The following SESN1 variants were observed in gnomAD, a reference collection of about 807,000 sequenced individuals.
SESN1 encodes sestrin-1.
Under a neutral mutation model 59.3 loss-of-function variants are expected in SESN1, and 30 were observed. The observed-to-expected ratio is 0.51, with a 90% CI of 0.38 to 0.69. The LOEUF is 0.69. Among genes scored for constraint, SESN1 ranks in the 30% least tolerant of loss-of-function variants. The probability of loss-of-function intolerance (pLI) is 0.00; values close to 1 mark genes in which losing one functional copy is unlikely to be tolerated. For missense variants in SESN1, 566 were observed against 673.0 expected (o/e 0.84, Z 1.76); for synonymous variants, 197 against 219.9 (o/e 0.90, Z 0.92).
rs1201909295 is a variant in SESN1, at chr6:109,094,768, A to C, written c.-695T>G. ...GAAGACGCTACTTCTCCGATCCCTG[A>C]GCCCTCGCCCACCACCGCCGAGCCA... On this transcript the variant is annotated 5_prime_UTR_variant, in exon 1 of 10. Transcript: ENST00000436639. The C allele has an allele frequency of 1.3e-5, 2 of 152,106 alleles. No individual in the cohort carries two copies. Among genetic ancestry groups the C allele is most frequent in the African/African-American group, 4.8e-5 (2 of 41,406 alleles). The allele number at this position is 152,106 out of a possible 1,614,324, so 9.4% of individuals were successfully genotyped here.
At chr6:109,040,114 G>A (rs1043863444) in intron 1 of SESN1, among the ~76,000 whole-genome samples, 4 of 152,178 alleles carry the variant, frequency 2.6e-5, no homozygotes, top group African/African-American at 9.7e-5. Context: ...AAAAACTTCA[G>A]TCATGAGATA....
intron 1 of SESN1, among the ~76,000 whole-genome samples, chr6:109,050,988 A>G (rs1358112444): frequency 2.6e-5 from 4 of 152,208 alleles, no homozygotes; most frequent in African/African-American, 7.2e-5. Flanking sequence ...AAGTTGTTCA[A>G]TTAGCATGAC....
intron 1 of SESN1, among the ~76,000 whole-genome samples, chr6:109,063,703 C>T (rs1780768335): frequency 1.3e-5 from 2 of 152,112 alleles, no homozygotes. Flanking sequence ...GATTCAGATA[C>T]GTCTTGTGCT....
intron 1 of SESN1, among the ~76,000 whole-genome samples, chr6:109,063,825 T>G (rs1296300899): frequency 6.6e-6 from 1 of 151,482 alleles, no homozygotes; most frequent in Non-Finnish European, 1.5e-5. Context: ...TTAACACATT[T>G]CAAAAGAAGA....
intron 1 of SESN1, among the ~76,000 whole-genome samples, chr6:109,075,804 A>C (rs191847017): frequency 4.5e-4 from 68 of 152,286 alleles, no homozygotes; most frequent in Middle Eastern, 3.4e-3. Flanking sequence ...CCAAATTTGT[A>C]ATGAGGCTAT....
At chr6:109,004,555 C>T (rs900689203) in intron 1 of SESN1, among the ~76,000 whole-genome samples, 2 of 151,744 alleles carry the variant, frequency 1.3e-5, no homozygotes, top group African/African-American at 2.4e-5. Context: ...TCCTGTCTCC[C>T]GAGTAGCTAG....
chr6:108,996,516 A>AAT (rs1204279064), intron 5 of SESN1, among the ~76,000 whole-genome samples: 1 of 152,132 alleles, frequency 6.6e-6, no homozygotes, highest in Non-Finnish European at 1.5e-5. Flanking sequence ...TCTCCTCTTA[A>AAT]AGAGCCCAAA....
intron 1 of SESN1, among the ~76,000 whole-genome samples, chr6:109,086,032 G>C (rs1384125361): frequency 6.6e-6 from 1 of 152,098 alleles, no homozygotes; most frequent in Non-Finnish European, 1.5e-5. Context: ...ACCCAAAGTA[G>C]TGCCCATTTT....
At chr6:109,070,807 G>A (rs189570930) in intron 1 of SESN1, among the ~76,000 whole-genome samples, 1 of 152,256 alleles carries the variant, frequency 6.6e-6, no homozygotes, top group Admixed American at 6.5e-5. Flanking sequence ...AACCATTTGG[G>A]GATTCAAGTC....
At chr6:109,066,557 C>A (rs982986318) in intron 1 of SESN1, among the ~76,000 whole-genome samples, 3 of 152,052 alleles carry the variant, frequency 2.0e-5, no homozygotes, top group Non-Finnish European at 4.4e-5. Context: ...GCACTGAGAT[C>A]ATGTGATGGC....
intron 1 of SESN1, among the ~76,000 whole-genome samples, chr6:109,005,180 T>C (rs899285239): frequency 2.0e-5 from 3 of 152,230 alleles, no homozygotes; most frequent in East Asian, 1.9e-4. Flanking sequence ...CAGTGTTCAA[T>C]AGAAGGCTGT....
intron 1 of SESN1, among the ~76,000 whole-genome samples, chr6:109,046,817 G>A (rs1410971387): frequency 7.4e-6 from 1 of 134,724 alleles, no homozygotes; most frequent in African/African-American, 2.7e-5. Flanking sequence ...CGGCCGCCCT[G>A]TCTGAGAAGT....
At chr6:109,039,784 C>T (rs1020997357) in intron 1 of SESN1, among the ~76,000 whole-genome samples, 15 of 152,160 alleles carry the variant, frequency 9.9e-5, no homozygotes, top group African/African-American at 3.6e-4. Flanking sequence ...TTTTTAAGAA[C>T]CTTGTTGATC....
At position 109,001,315 on chromosome 6, in the gene SESN1, T is replaced by C. The variant is rs1297981661; in HGVS notation, c.519A>G (p.Leu173=). 1.2e-6 allele frequency: 2 copies of C among 1,613,770 alleles called. No homozygotes were observed. Among genetic ancestry groups the C allele is most frequent in the South Asian group, 2.2e-5 (2 of 91,070 alleles). Residue 173 remains leucine, a synonymous_variant, in exon 3 of 10, where the codon CTA becomes CTG. Transcript: ENST00000436639. ...YLLQMDGPLP[L]HYRHYIGIMA... ...TTATTCCAATGTAGTGACGATAATG[T>C]AGGGGTAACGGCCCATCCATTTGCA...
chr6:108,999,905 G>A (rs1251298029), intron 4 of SESN1: 7 of 152,080 alleles, frequency 4.6e-5, no homozygotes, highest in Non-Finnish European at 1.0e-4. Context: ...ATAGGTGAAT[G>A]GATAAACAAA....
intron 1 of SESN1, among the ~76,000 whole-genome samples, chr6:109,035,173 A>G (rs1780232117): frequency 6.6e-6 from 1 of 151,900 alleles, no homozygotes; most frequent in African/African-American, 2.4e-5. Context: ...TCTAGGGTCC[A>G]TTTTGCTTTT....
At chr6:109,056,396 T>A (rs937521784) in intron 1 of SESN1, among the ~76,000 whole-genome samples, 8 of 152,016 alleles carry the variant, frequency 5.3e-5, no homozygotes, top group African/African-American at 1.9e-4. Flanking sequence ...AGAGCAAGAC[T>A]TTGTCTTGGA....
chr6:109,028,208 A>C (rs1225155119), intron 1 of SESN1, among the ~76,000 whole-genome samples: 4 of 152,222 alleles, frequency 2.6e-5, no homozygotes, highest in African/African-American at 9.7e-5. Flanking sequence ...AGATCATATA[A>C]ATTTTATGAT....
rs116075884 is a variant in SESN1 at position 109,008,977 on chromosome 6, C to A, written c.280-6634G>T. The A allele has an allele frequency of 1.4e-3, 1,377 of 1,008,262 alleles. 13 individuals are homozygous for A. The African/African-American group carries it at 0.022, about 16-fold the overall frequency. 62.5% of individuals were successfully genotyped at this position (1,008,262 alleles called of 1,614,324 possible). The stretch of plus-strand genomic sequence containing the variant: ...CAAGACAATCGAGGGGGCATATCCA[C>A]AGGCTGTTTCACCCTCAAGACTCGA... On this transcript the variant is annotated intron_variant, in intron 1 of 9. Transcript: ENST00000436639.
Sources: gnomAD v4.1 joint callset for allele counts (sites outside exome capture counted in the v4.1 genomes callset) on GRCh38, gnomAD v4.1.1 for gene constraint, MANE v1.5 for transcripts, NCBI Gene and HGNC (gene_info 2026-07-23, HGNC 2026-07-21) for gene names.